AK9: variants seen among roughly 807,000 people sequenced by gnomAD.
AK9 encodes the protein adenylate kinase 9, also known as adenylate kinase domain containing 1.
A neutral mutation model predicts 239.6 loss-of-function variants in AK9; 191 were observed. That is an observed-to-expected ratio of 0.80 (90% CI 0.71 to 0.90). The LOEUF is 0.90. AK9 is among the 40% of genes least tolerant of loss of function. The pLI is 0.00. For synonymous variants in AK9, 689 were observed against 721.0 expected, an observed-to-expected ratio of 0.96 and a Z score of 0.71; for missense variants, 1,995 against 2,214.7, an observed-to-expected ratio of 0.90 and a Z score of 1.99.
rs1797820753 is a variant in AK9, at chr6:109,644,631, C to T, written c.817G>A (p.Ala273Thr). The T allele has an allele frequency of 2.5e-6, 4 of 1,612,096 alleles. No homozygotes were observed. Among genetic ancestry groups the T allele is most frequent in the Non-Finnish European group, 3.4e-6 (4 of 1,179,788 alleles). Residue 273 changes from alanine to threonine, a missense_variant, in exon 9 of 41, where the codon GCA becomes ACA. Coordinates refer to ENST00000424296, the MANE Select transcript of AK9 (RefSeq NM_001145128.3). ...GCACTCACCATAAAGAGCTCCTCTG[C>T]TGGTTTATTTCCATTTAGCTCAATG... ...YLIELNGNKP[A>T]EELFMIVMDR...
At chr6:109,517,651 T>C (rs936373866) in intron 29 of AK9, among the ~76,000 whole-genome samples, 2 of 152,306 alleles carry the variant, frequency 1.3e-5, no homozygotes, top group South Asian at 2.1e-4. Flanking sequence ...ATTATTATGC[T>C]CTTATAGCTA....
intron 5 of AK9, among the ~76,000 whole-genome samples, chr6:109,667,555 C>A (rs1801389583): frequency 6.6e-6 from 1 of 151,736 alleles, no homozygotes; most frequent in East Asian, 1.9e-4. Flanking sequence ...CTCCCCTCTC[C>A]CCCCATCCCA....
chr6:109,645,553 A>G (rs2128293340), intron 8 of AK9, among the ~76,000 whole-genome samples: 1 of 151,870 alleles, frequency 6.6e-6, no homozygotes, highest in Non-Finnish European at 1.5e-5. Flanking sequence ...CAAAGCAGCC[A>G]GAAGCTCAAA....
intron 21 of AK9, among the ~76,000 whole-genome samples, chr6:109,566,286 A>C (rs1282415527): frequency 3.9e-5 from 6 of 152,044 alleles, no homozygotes; most frequent in Non-Finnish European, 8.8e-5. Context: ...TACTCTACCT[A>C]CCCTTCCTGT....
chr6:109,682,426 CAA>C (rs57215335), intron 1 of AK9, among the ~76,000 whole-genome samples: 31 of 68,524 alleles, frequency 4.5e-4, no homozygotes, highest in East Asian at 4.4e-3. Flanking sequence ...GACTCCGTCT[CAA>C]AAAAAAAAAA....
At chr6:109,679,056 GCAGGAGTTT>G in intron 1 of AK9, among the ~76,000 whole-genome samples, 1 of 152,316 alleles carries the variant, frequency 6.6e-6, no homozygotes, top group Non-Finnish European at 1.5e-5. Flanking sequence ...CAAGCTAGCT[GCAGGAGTTT>G]TTTTCATATC....
chr6:109,647,293 C>T (rs1222426808), intron 8 of AK9, among the ~76,000 whole-genome samples: 1 of 152,100 alleles, frequency 6.6e-6, no homozygotes, highest in Non-Finnish European at 1.5e-5. Context: ...CACAGATTGG[C>T]AAATTGGATA....
chr6:109,613,506 T>C (rs1290641852), intron 15 of AK9, among the ~76,000 whole-genome samples: 1 of 152,026 alleles, frequency 6.6e-6, no homozygotes, highest in African/African-American at 2.4e-5. Flanking sequence ...AACAATTTTA[T>C]GCAAAGCAAT....
intron 27 of AK9, among the ~76,000 whole-genome samples, chr6:109,535,135 T>A (rs1424462245): frequency 3.3e-5 from 5 of 152,238 alleles, no homozygotes; most frequent in Non-Finnish European, 5.9e-5. Flanking sequence ...ATGGGATGGC[T>A]GGGTCAAATG....
chr6:109,639,236 C>T (rs1403681451), intron 10 of AK9, among the ~76,000 whole-genome samples: 3 of 152,000 alleles, frequency 2.0e-5, no homozygotes, highest in African/African-American at 7.3e-5. Context: ...CACTGTCTTC[C>T]ACAATGGTTG....
At chr6:109,580,697 A>G (rs749428465) in intron 19 of AK9, among the ~76,000 whole-genome samples, 6 of 152,126 alleles carry the variant, frequency 3.9e-5, no homozygotes, top group Non-Finnish European at 7.4e-5. Context: ...AATGGAGGAC[A>G]TTCTCTCACT....
chr6:109,543,020 T>C (rs1329812012), intron 26 of AK9, among the ~76,000 whole-genome samples: 1 of 152,134 alleles, frequency 6.6e-6, no homozygotes, highest in Non-Finnish European at 1.5e-5. Context: ...TACAGTATTA[T>C]CTCTCCAACC....
chr6:109,545,853 A>G lies in AK9; in HGVS notation c.3225+14T>C, dbSNP rs368616542. 1 of 1,577,538 alleles carries G rather than the reference A, an allele frequency of 6.3e-7. No individual in the cohort carries two copies. Among genetic ancestry groups the G allele is most frequent in the South Asian group, 1.2e-5 (1 of 84,448 alleles). On this transcript the variant is annotated intron_variant, in intron 26 of 40. Transcript: ENST00000424296. ...AAAACAAAACAAACAAAAAACAAAA[A>G]AAGAGATTACTACCTGCTTTTTTGT...
chr6:109,592,392 C>A (rs927893495), intron 17 of AK9, among the ~76,000 whole-genome samples: 3 of 151,358 alleles, frequency 2.0e-5, no homozygotes, highest in Non-Finnish European at 4.4e-5. Flanking sequence ...ACTCCAATAT[C>A]TTCTGGCTCA....
At chr6:109,646,324 T>C (rs1370558639) in intron 8 of AK9, among the ~76,000 whole-genome samples, 1 of 152,008 alleles carries the variant, frequency 6.6e-6, no homozygotes, top group South Asian at 2.1e-4. Flanking sequence ...TTGAACCCAT[T>C]GCAAGGAAGG....
intron 10 of AK9, among the ~76,000 whole-genome samples, chr6:109,639,367 C>T (rs1237385735): frequency 1.3e-5 from 2 of 152,178 alleles, no homozygotes; most frequent in African/African-American, 2.4e-5. Context: ...GATGGTATCT[C>T]ATTGTGGTTT....
chr6:109,524,980 T>G (rs1041264486), intron 29 of AK9, among the ~76,000 whole-genome samples: 1 of 152,198 alleles, frequency 6.6e-6, no homozygotes, highest in Non-Finnish European at 1.5e-5. Context: ...ATAGATTTTC[T>G]TCTAGGGTTT....
At chr6:109,665,170 T>C (rs138138849) in intron 5 of AK9, among the ~76,000 whole-genome samples, 34 of 152,378 alleles carry the variant, frequency 2.2e-4, no homozygotes, top group Admixed American at 1.1e-3. Context: ...TGTTGGGCTC[T>C]ATCCAGAGAA....
intron 29 of AK9, among the ~76,000 whole-genome samples, chr6:109,519,631 C>T (rs773238991): frequency 4.0e-5 from 6 of 151,838 alleles, no homozygotes; most frequent in South Asian, 2.1e-4. Context: ...CCTGTCTCTC[C>T]GAAAGTAAAA....
Sources: gnomAD v4.1 joint callset for allele counts (sites outside exome capture counted in the v4.1 genomes callset) on GRCh38, gnomAD v4.1.1 for gene constraint, MANE v1.5 for transcripts, NCBI Gene and HGNC (gene_info 2026-07-23, HGNC 2026-07-21) for gene names.